The following MPHOSPH8 variants were observed in gnomAD, a reference collection of about 807,000 sequenced individuals.
The protein encoded by MPHOSPH8 is M-phase phosphoprotein, mpp.
In MPHOSPH8, 45 loss-of-function variants were observed where a neutral mutation model predicts 87.3. That is an observed-to-expected ratio of 0.52 (90% CI 0.41 to 0.66). MPHOSPH8 has a LOEUF of 0.66. Ranked by LOEUF, MPHOSPH8 falls within the 30% of genes least tolerant of loss-of-function variation. The pLI, the probability that MPHOSPH8 is intolerant of heterozygous loss-of-function variation, is 0.00. For missense variants in MPHOSPH8, 883 were observed against 1,020.2 expected (o/e 0.87, Z 1.83); for synonymous variants, 366 against 376.9 (o/e 0.97, Z 0.33).
intron 7 of MPHOSPH8, chr13:19,661,118 A>C: frequency 8.1e-6 from 2 of 246,014 alleles, no homozygotes; most frequent in Non-Finnish European, 1.3e-5. Context: ...GAAAAACAAC[A>C]CCAACAAAAA....
chr13:19,642,606 A>G (rs187291835), intron 2 of MPHOSPH8, among the ~76,000 whole-genome samples: 287 of 151,896 alleles, frequency 1.9e-3, no homozygotes, highest in African/African-American at 6.4e-3. Flanking sequence ...GTTTTTGTAT[A>G]TTTATTCTGC....
chr13:19,638,723 G>A (rs1874128960), intron 1 of MPHOSPH8, among the ~76,000 whole-genome samples: 1 of 152,134 alleles, frequency 6.6e-6, no homozygotes, highest in African/African-American at 2.4e-5. Flanking sequence ...ATGATTGAAG[G>A]GCAGTGTGGG....
Position 19,668,414 on chromosome 13 carries a change from T to C in MPHOSPH8, c.2212T>C (p.Phe738Leu). 1 of 1,614,166 alleles carries C rather than the reference T, an allele frequency of 6.2e-7. No individual in the cohort carries two copies. Among genetic ancestry groups the C allele is most frequent in the Non-Finnish European group, 8.5e-7 (1 of 1,179,986 alleles). Reference sequence around the variant, plus strand: ...AGCAGAAGAGACAATAAAGGATTACTTTGAAGCTCGCCTTGCTCTGCTAGA... The same window carrying C: ...AGCAGAAGAGACAATAAAGGATTACCTTGAAGCTCGCCTTGCTCTGCTAGA... ...RVAEETIKDYFEARLALLEPV... is the reference protein window; with the variant it reads ...RVAEETIKDYLEARLALLEPV... Residue 738 changes from phenylalanine to leucine, a missense_variant, in exon 11 of 14, where the codon TTT becomes CTT. This residue lies in a region of MPHOSPH8 where 741 missense variants were observed against 841.5 expected (regional missense o/e 0.88). Coordinates refer to ENST00000361479, the MANE Select transcript of MPHOSPH8 (RefSeq NM_017520.4).
intron 9 of MPHOSPH8, among the ~76,000 whole-genome samples, chr13:19,664,514 G>GT (rs1300878112): frequency 2.0e-5 from 3 of 152,284 alleles, no homozygotes; most frequent in African/African-American, 7.2e-5. Flanking sequence ...GGATTAGAGG[G>GT]TTTTCATTTG....
chr13:19,656,460 TA>T (rs1377923041), intron 5 of MPHOSPH8, among the ~76,000 whole-genome samples: 1 of 152,198 alleles, frequency 6.6e-6, no homozygotes, highest in Non-Finnish European at 1.5e-5. Context: ...ATGTATTTTT[TA>T]AAAGATACAG....
At chr13:19,663,190 G>A (rs1294243057) in intron 9 of MPHOSPH8, 64 bp downstream of exon 9, 13 of 1,367,910 alleles carry the variant, frequency 9.5e-6, no homozygotes, top group Non-Finnish European at 1.4e-5. Context: ...GTTGGCATCT[G>A]CCACTGCCAG....
chr13:19,642,317 G>A (rs769138229), intron 2 of MPHOSPH8, 47 bp downstream of exon 2: 3 of 1,437,224 alleles, frequency 2.1e-6, no homozygotes, highest in East Asian at 2.6e-5. Context: ...TAAATTTATT[G>A]TAAATTTTAA....
At position 19,633,731 on chromosome 13, in the gene MPHOSPH8, G is replaced by T. The variant is rs1873831356; in HGVS notation, c.-18G>T. The stretch of plus-strand genomic sequence containing the variant: ...TTGTCGCAGCGGGTTTTCCTCGGCG[G>T]TTTGCGGAGCTGCTAGGATGGAGCA... On this transcript the variant is annotated 5_prime_UTR_variant, in exon 1 of 14. Coordinates refer to ENST00000361479, the MANE Select transcript of MPHOSPH8 (RefSeq NM_017520.4). 1.3e-6 allele frequency: 2 copies of T among 1,574,088 alleles called. No individual in the cohort carries two copies. The highest frequency in any genetic ancestry group is 1.7e-6 in the Non-Finnish European group (2 of 1,160,046).
In MPHOSPH8 at chr13:19,666,432, A is replaced by C; in HGVS notation, c.2027A>C (p.Lys676Thr). 1 of 1,607,090 alleles carries C rather than the reference A, an allele frequency of 6.2e-7. No individual in the cohort carries two copies. Among genetic ancestry groups the C allele is most frequent in the Non-Finnish European group, 8.5e-7 (1 of 1,174,250 alleles). ...CCTTTTTACCTGACGTAGGCCTGTA[A>C]AAGAGGAAATTCAGACATCGTACGA... ...NGETALMKAC[K>T]RGNSDIVRLV... The change falls in exon 10 of 14, where the codon AAA becomes ACA. Residue 676 changes from lysine (K) to threonine (T), a missense_variant. This residue lies in a region of MPHOSPH8 where 741 missense variants were observed against 841.5 expected (regional missense o/e 0.88). Coordinates refer to ENST00000361479, the MANE Select transcript of MPHOSPH8 (RefSeq NM_017520.4).
chr13:19,654,311 C>G (rs527796009), intron 5 of MPHOSPH8, among the ~76,000 whole-genome samples: 18 of 152,240 alleles, frequency 1.2e-4, no homozygotes, highest in African/African-American at 3.1e-4. Flanking sequence ...GGGAACATCA[C>G]ACACCAGGGC....
chr13:19,661,679 A>C lies in MPHOSPH8; in HGVS notation c.1792-19A>C. ...CTGACTAAAGATTAACACGTTTTTTATTTAACAAACCAACACAGGATTCCA... is the reference window on the plus strand; with the variant it reads ...CTGACTAAAGATTAACACGTTTTTTCTTTAACAAACCAACACAGGATTCCA... On this transcript the variant is annotated intron_variant, in intron 7 of 13. Coordinates refer to ENST00000361479, the MANE Select transcript of MPHOSPH8 (RefSeq NM_017520.4). The C allele has an allele frequency of 6.4e-7, 1 of 1,569,140 alleles. No individual in the cohort carries two copies. The highest frequency in any genetic ancestry group is 8.7e-7 in the Non-Finnish European group (1 of 1,153,528).
At chr13:19,639,733 A>G (rs921381937) in intron 1 of MPHOSPH8, among the ~76,000 whole-genome samples, 4 of 152,188 alleles carry the variant, frequency 2.6e-5, no homozygotes, top group African/African-American at 9.7e-5. Context: ...AAGGTGATTA[A>G]AATATATTTT....
intron 12 of MPHOSPH8, chr13:19,670,845 G>GTCTC (rs1876082976): frequency 1.7e-6 from 2 of 1,151,826 alleles, no homozygotes; most frequent in Non-Finnish European, 1.1e-6. Flanking sequence ...TGAAGACAGG[G>GTCTC]TCTCGCTCTG....
At chr13:19,636,798 A>G (rs1034484863) in intron 1 of MPHOSPH8, among the ~76,000 whole-genome samples, 1 of 152,124 alleles carries the variant, frequency 6.6e-6, no homozygotes, top group Non-Finnish European at 1.5e-5. Context: ...TTTTTTAACA[A>G]AATTTTAAAC....
At position 19,634,472 on chromosome 13, in the gene MPHOSPH8, C is replaced by G. The variant is rs549493365; in HGVS notation, c.213+511C>G. ...CCTGATCAGCATCATCCCTCTCTCC[C>G]CTATGCGTTGTATAGCTCGCAGCCA... On this transcript the variant is annotated intron_variant, in intron 1 of 13. Coordinates refer to ENST00000361479, the MANE Select transcript of MPHOSPH8 (RefSeq NM_017520.4). 2.0e-5 allele frequency among the ~76,000 whole-genome samples: 3 copies of G among 152,252 alleles called. No homozygotes were observed. In the East Asian group the frequency reaches 5.8e-4, roughly 29 times the overall value.
At chr13:19,636,113 A>G (rs1254819166) in intron 1 of MPHOSPH8, among the ~76,000 whole-genome samples, 1 of 152,168 alleles carries the variant, frequency 6.6e-6, no homozygotes, top group East Asian at 1.9e-4. Context: ...AGTCTCAGGT[A>G]TTTCTTCATA....
chr13:19,633,995 G>A (rs747975819), intron 1 of MPHOSPH8, 34 bp downstream of exon 1: 1 of 1,583,986 alleles, frequency 6.3e-7, no homozygotes, highest in East Asian at 2.3e-5. Flanking sequence ...GGGCTGGGCG[G>A]GGAGCTCCGG....
At chr13:19,650,465 A>G (rs1193368044) in intron 5 of MPHOSPH8, 6 of 515,500 alleles carry the variant, frequency 1.2e-5, no homozygotes, top group South Asian at 4.4e-5. Context: ...CTGAGTTCCT[A>G]TAATGTTCTC....
rs563217883 is a variant in MPHOSPH8, at chr13:19,670,981, G to A, written c.2458-225G>A. On this transcript the variant is annotated intron_variant, in intron 12 of 13. Coordinates refer to ENST00000361479, the MANE Select transcript of MPHOSPH8 (RefSeq NM_017520.4). ...ACTAAAAATGCACGCCACCACATCC[G>A]GCTAATTTTTTGTATTTTTTGTAGA... 9.5e-5 allele frequency: 108 copies of A among 1,132,170 alleles called. No homozygotes were observed. In the African/African-American group the frequency reaches 1.4e-3, roughly 15 times the overall value. 70.1% of individuals were successfully genotyped at this position (1,132,170 alleles called of 1,614,324 possible).
Sources: gnomAD v4.1 joint callset for allele counts (sites outside exome capture counted in the v4.1 genomes callset) on GRCh38, gnomAD v4.1.1 for gene constraint, gnomAD v4.1.1 regional missense constraint, MANE v1.5 for transcripts, NCBI Gene and HGNC (gene_info 2026-07-23, HGNC 2026-07-21) for gene names.